ABTB3: variants seen among roughly 807,000 people sequenced by gnomAD.
ABTB3 encodes ankyrin repeat and BTB domain containing 3, also known as ankyrin repeat- and BTB/POZ domain-containing protein 3.
At chr12:107,564,785 C>G in the ABTB3 span, among the ~76,000 whole-genome samples, 1 of 152,232 alleles carries the variant, frequency 6.6e-6, no homozygotes, top group Non-Finnish European at 1.5e-5. Context: ...AGTCCACACT[C>G]AAGCATTATA....
the ABTB3 span, among the ~76,000 whole-genome samples, chr12:107,415,434 C>T: frequency 5.3e-4 from 81 of 152,160 alleles, no homozygotes; most frequent in Non-Finnish European, 8.8e-4. Flanking sequence ...CTGGGCTGGG[C>T]GTGGTGGCTC....
At chr12:107,442,169 A>G in the ABTB3 span, among the ~76,000 whole-genome samples, 1 of 152,322 alleles carries the variant, frequency 6.6e-6, no homozygotes, top group East Asian at 1.9e-4. Flanking sequence ...GGCCTAGCAC[A>G]GGGTGCATGG....
the ABTB3 span, among the ~76,000 whole-genome samples, chr12:107,476,543 C>G: frequency 6.6e-6 from 1 of 151,896 alleles, no homozygotes; most frequent in Non-Finnish European, 1.5e-5. Context: ...AAGTACAACT[C>G]GAGTGTCAGG....
the ABTB3 span, among the ~76,000 whole-genome samples, chr12:107,592,655 T>C: frequency 6.6e-6 from 1 of 152,238 alleles, no homozygotes; most frequent in Non-Finnish European, 1.5e-5. Flanking sequence ...TGCTAACACT[T>C]CTATAAAGTT....
chr12:107,620,029 C>T, the ABTB3 span: 37 of 1,613,960 alleles, frequency 2.3e-5, no homozygotes, highest in African/African-American at 1.3e-4. Context: ...CTTTGCGGAT[C>T]GCCTTCCAGC....
At chr12:107,588,369 G>T in the ABTB3 span, among the ~76,000 whole-genome samples, 2 of 152,160 alleles carry the variant, frequency 1.3e-5, no homozygotes, top group Non-Finnish European at 2.9e-5. Context: ...TGCCTGTCTT[G>T]CCTAGTAGGG....
chr12:107,324,899 G>T, the ABTB3 span, among the ~76,000 whole-genome samples: 982 of 152,308 alleles, frequency 6.4e-3, 12 homozygotes, highest in African/African-American at 0.022. Context: ...TCTCTAGCAA[G>T]TGACTTAATT....
At chr12:107,621,202 G>A in the ABTB3 span, among the ~76,000 whole-genome samples, 5 of 152,132 alleles carry the variant, frequency 3.3e-5, no homozygotes, top group African/African-American at 2.4e-5. Context: ...TCCTTAGCCC[G>A]GTGTCCCTGG....
At chr12:107,370,749 A>G in the ABTB3 span, among the ~76,000 whole-genome samples, 17 of 145,366 alleles carry the variant, frequency 1.2e-4, no homozygotes, top group East Asian at 8.0e-4. Flanking sequence ...CTGCCTATCA[A>G]AAAAGGGATT....
chr12:107,617,436 G>T, the ABTB3 span: 1 of 1,613,850 alleles, frequency 6.2e-7, no homozygotes, highest in Admixed American at 1.7e-5. Flanking sequence ...CACGGACACA[G>T]GTAGGCTAGG....
At chr12:107,462,372 C>G in the ABTB3 span, among the ~76,000 whole-genome samples, 1 of 152,180 alleles carries the variant, frequency 6.6e-6, no homozygotes, top group Non-Finnish European at 1.5e-5. Context: ...TCCCTGGAAA[C>G]AAAGGACTGG....
chr12:107,342,984 G>A, the ABTB3 span, among the ~76,000 whole-genome samples: 1 of 152,064 alleles, frequency 6.6e-6, no homozygotes, highest in Non-Finnish European at 1.5e-5. Flanking sequence ...GCTCTTCTAG[G>A]GCAGGGTTTG....
chr12:107,613,744 G>A, the ABTB3 span, among the ~76,000 whole-genome samples: 2 of 152,182 alleles, frequency 1.3e-5, no homozygotes, highest in East Asian at 3.9e-4. Context: ...TCTCCCTGGC[G>A]GCAGGATATT....
the ABTB3 span, among the ~76,000 whole-genome samples, chr12:107,580,491 C>G: frequency 6.6e-6 from 1 of 152,192 alleles, no homozygotes; most frequent in East Asian, 1.9e-4. Flanking sequence ...GGGGTGTGAC[C>G]AAGGTCCAAA....
chr12:107,459,577 G>A, the ABTB3 span, among the ~76,000 whole-genome samples: 1 of 152,354 alleles, frequency 6.6e-6, no homozygotes, highest in East Asian at 1.9e-4. Context: ...ATTTTGAGGA[G>A]AGCCCTGATG....
the ABTB3 span, among the ~76,000 whole-genome samples, chr12:107,464,511 A>G: frequency 2.6e-5 from 4 of 152,052 alleles, no homozygotes; most frequent in East Asian, 1.9e-4. Flanking sequence ...GGGTCTCACT[A>G]TGTTGCCCAG....
chr12:107,516,836 A>G, the ABTB3 span, among the ~76,000 whole-genome samples: 3 of 152,320 alleles, frequency 2.0e-5, no homozygotes, highest in Non-Finnish European at 2.9e-5. Flanking sequence ...AGTTGGTTTA[A>G]ATTATTTAAC....
At chr12:107,426,154 G>C in the ABTB3 span, among the ~76,000 whole-genome samples, 4 of 151,526 alleles carry the variant, frequency 2.6e-5, no homozygotes, top group African/African-American at 9.7e-5. Flanking sequence ...CTCCAATTTT[G>C]TGCCATCAGC....
At chr12:107,469,865 CTTTTCTT>C in the ABTB3 span, among the ~76,000 whole-genome samples, 7 of 88,284 alleles carry the variant, frequency 7.9e-5, no homozygotes, top group African/African-American at 2.7e-4. Context: ...TTCTTTCTTT[CTTTTCTT>C]TCTTTCTTTC....
Sources: allele counts gnomAD v4.1 joint callset (sites outside exome capture counted in the v4.1 genomes callset), GRCh38; gene constraint gnomAD v4.1.1; transcripts MANE v1.5; gene names NCBI Gene and HGNC (gene_info 2026-07-23, HGNC 2026-07-21).